Variants in CALN1 observed in about 807,000 individuals in gnomAD.
CALN1 encodes the protein calneuron 1.
A neutral mutation model predicts 30.6 loss-of-function variants in CALN1; 17 were observed. That is an observed-to-expected ratio of 0.56 (90% confidence interval 0.38 to 0.83). The LOEUF (loss-of-function observed/expected upper bound fraction) is 0.83, where lower values mean the gene tolerates loss of function less well. CALN1 is among the 40% of genes least tolerant of loss of function. The probability of loss-of-function intolerance (pLI) is 0.00; values close to 1 mark genes in which losing one functional copy is unlikely to be tolerated. For missense variants in CALN1, 291 were observed against 354.9 expected (o/e 0.82, Z 1.45); for synonymous variants, 156 against 131.4 (o/e 1.19, Z -1.28).
chr7:72,050,215 A>C (rs1401751224), intron 4 of CALN1, among the ~76,000 whole-genome samples: 1 of 152,168 alleles, frequency 6.6e-6, no homozygotes, highest in African/African-American at 2.4e-5. Context: ...AATTGTAATA[A>C]AATTCAGTTT....
chr7:71,979,199 G>T (rs150224092), intron 5 of CALN1, among the ~76,000 whole-genome samples: 1 of 152,296 alleles, frequency 6.6e-6, no homozygotes, highest in East Asian at 1.9e-4. Context: ...TGGTTTCATG[G>T]AAGACAATTT....
chr7:71,856,486 A>G (rs901798815), intron 5 of CALN1, among the ~76,000 whole-genome samples: 5 of 152,124 alleles, frequency 3.3e-5, no homozygotes, highest in Admixed American at 1.3e-4. Context: ...AGAGTCAAAG[A>G]TGTTTTTAGA....
chr7:72,338,527 G>GTGTC (rs1190799242), intron 2 of CALN1, among the ~76,000 whole-genome samples: 19 of 144,584 alleles, frequency 1.3e-4, no homozygotes, highest in African/African-American at 4.6e-4. Flanking sequence ...GTGTGTGTGT[G>GTGTC]TCTCACCTGG....
At chr7:72,196,543 G>A (rs1190200577) in intron 3 of CALN1, among the ~76,000 whole-genome samples, 2 of 152,124 alleles carry the variant, frequency 1.3e-5, no homozygotes, top group African/African-American at 2.4e-5. Flanking sequence ...TATAGTATGT[G>A]AACAGCTCAA....
chr7:71,859,648 A>G (rs1410333104), intron 5 of CALN1, among the ~76,000 whole-genome samples: 1 of 152,226 alleles, frequency 6.6e-6, no homozygotes, highest in Non-Finnish European at 1.5e-5. Flanking sequence ...GCAATGAAGG[A>G]TATCAAACCA....
intron 5 of CALN1, among the ~76,000 whole-genome samples, chr7:71,832,767 A>ATTTT (rs140779066): frequency 1.5e-5 from 2 of 137,854 alleles, no homozygotes; most frequent in South Asian, 4.7e-4. Flanking sequence ...CGCCAGGCTA[A>ATTTT]TTTTTTTTTT....
chr7:72,101,666 C>T (rs1036415455), intron 4 of CALN1, among the ~76,000 whole-genome samples: 5 of 152,194 alleles, frequency 3.3e-5, no homozygotes, highest in Non-Finnish European at 7.3e-5. Context: ...ATCCTCCCAA[C>T]AAGTCCGGCA....
intron 3 of CALN1, among the ~76,000 whole-genome samples, chr7:72,117,512 G>C (rs947798693): frequency 6.6e-6 from 1 of 152,080 alleles, no homozygotes; most frequent in Non-Finnish European, 1.5e-5. Context: ...GAAAGGGAAG[G>C]GATATAACAA....
intron 5 of CALN1, among the ~76,000 whole-genome samples, chr7:72,006,910 A>G (rs1227772428): frequency 6.6e-6 from 1 of 152,104 alleles, no homozygotes; most frequent in Non-Finnish European, 1.5e-5. Flanking sequence ...TCTAGCCCCT[A>G]CACTCCTTCA....
At chr7:71,827,232 G>A (rs1052328762) in intron 5 of CALN1, among the ~76,000 whole-genome samples, 1 of 152,132 alleles carries the variant, frequency 6.6e-6, no homozygotes, top group African/African-American at 2.4e-5. Context: ...GTCCTCCGGC[G>A]GCAAATCTGA....
chr7:71,946,279 A>T (rs1016078458), intron 5 of CALN1, among the ~76,000 whole-genome samples: 2 of 152,172 alleles, frequency 1.3e-5, no homozygotes, highest in South Asian at 4.1e-4. Flanking sequence ...CTGAGTAAAA[A>T]AATCTAATTC....
the CALN1 span, among the ~76,000 whole-genome samples, chr7:72,487,872 G>GA: frequency 4.6e-5 from 3 of 65,300 alleles, no homozygotes; most frequent in African/African-American, 1.7e-4. Flanking sequence ...AAGAAAGAAA[G>GA]AAAGAAAGAA....
intron 1 of CALN1, among the ~76,000 whole-genome samples, chr7:72,409,138 G>C (rs1411393565): frequency 1.3e-5 from 2 of 152,018 alleles, no homozygotes; most frequent in Non-Finnish European, 2.9e-5. Flanking sequence ...TGGGATTACA[G>C]GCGCCCGCCA....
intron 2 of CALN1, among the ~76,000 whole-genome samples, chr7:72,324,025 GT>G (rs1801088872): frequency 6.6e-6 from 1 of 151,930 alleles, no homozygotes; most frequent in Non-Finnish European, 1.5e-5. Flanking sequence ...GAGACTCTGG[GT>G]TTTTTGTTTT....
intron 2 of CALN1, among the ~76,000 whole-genome samples, chr7:72,313,119 G>A (rs1800173615): frequency 6.6e-6 from 1 of 152,282 alleles, no homozygotes; most frequent in South Asian, 2.1e-4. Context: ...ACAGGTATGA[G>A]CCACTGCACC....
intron 3 of CALN1, among the ~76,000 whole-genome samples, chr7:72,154,708 T>C (rs1176882428): frequency 1.3e-5 from 2 of 152,088 alleles, no homozygotes; most frequent in Non-Finnish European, 2.9e-5. Context: ...ACTAAGGTCA[T>C]AGGGTAAGGC....
At chr7:72,007,097 C>T (rs934629454) in intron 5 of CALN1, among the ~76,000 whole-genome samples, 2 of 152,194 alleles carry the variant, frequency 1.3e-5, no homozygotes, top group Admixed American at 1.3e-4. Context: ...AACCAAATCC[C>T]CAATTTTTAA....
intron 5 of CALN1, among the ~76,000 whole-genome samples, chr7:71,957,387 G>T (rs2129524790): frequency 6.6e-6 from 1 of 151,964 alleles, no homozygotes; most frequent in African/African-American, 2.4e-5. Context: ...GAAATAAAGA[G>T]GTTTAAAAAA....
chr7:72,374,616 T>C (rs558874160), intron 2 of CALN1, among the ~76,000 whole-genome samples: 1 of 148,980 alleles, frequency 6.7e-6, no homozygotes, highest in African/African-American at 2.5e-5. Flanking sequence ...ATAAAGGACA[T>C]CTGCACCAAA....
Sources: gnomAD v4.1 joint callset for allele counts (sites outside exome capture counted in the v4.1 genomes callset) on GRCh38, gnomAD v4.1.1 for gene constraint, MANE v1.5 for transcripts, NCBI Gene and HGNC (gene_info 2026-07-23, HGNC 2026-07-21) for gene names.